PLA2G5: variants seen among roughly 807,000 people sequenced by gnomAD.
The protein encoded by PLA2G5 is Ca2+-dependent phospholipase A2.
PLA2G5 carries 12 observed loss-of-function variants against 15.9 expected under a neutral mutation model. That is an observed-to-expected ratio of 0.76 (90% CI 0.48 to 1.23). The LOEUF is 1.23. Among genes scored for constraint, PLA2G5 ranks in the 50% most tolerant of loss-of-function variants. PLA2G5 has a pLI of 0.00. For missense variants in PLA2G5, 169 were observed against 177.1 expected (o/e 0.95, Z 0.26); for synonymous variants, 71 against 71.4 (o/e 0.99, Z 0.03).
rs1211478309 is a variant in PLA2G5 at position 20,090,838 on chromosome 1, C to T, written c.*146C>T. On this transcript the variant is annotated 3_prime_UTR_variant, in exon 5 of 5. Transcript: ENST00000375108. ...AGCTTGGCGGACCCCCAGGGCCACACTGTACCCTCCAGCGAGTCCCAGGAG... is the reference window on the plus strand; with the variant it reads ...AGCTTGGCGGACCCCCAGGGCCACATTGTACCCTCCAGCGAGTCCCAGGAG... The T allele has an allele frequency of 7.7e-6, 6 of 781,172 alleles. No homozygotes were observed. Among genetic ancestry groups the T allele is most frequent in the Non-Finnish European group, 1.3e-5 (6 of 473,380 alleles). The allele number at this position is 781,172 out of a possible 1,614,324, so 48.4% of individuals were successfully genotyped here. A position where few individuals can be genotyped will look rare whatever the true frequency, so the allele number is the denominator to read the frequency against.
upstream of PLA2G5, among the ~76,000 whole-genome samples, chr1:20,067,893 C>T (rs375269704): frequency 7.5e-3 from 1,136 of 152,178 alleles, 19 homozygotes; most frequent in African/African-American, 0.026. Flanking sequence ...CTGAGGCAGG[C>T]GGATCTCCTG....
At chr1:20,086,494 G>A (rs111340295) in intron 3 of PLA2G5, among the ~76,000 whole-genome samples, 1 of 152,202 alleles carries the variant, frequency 6.6e-6, no homozygotes, top group African/African-American at 2.4e-5. Context: ...CATTTGGGTA[G>A]GGCTTGTGGG....
chr1:20,075,296 C>T (rs1483757192), intron 1 of PLA2G5, among the ~76,000 whole-genome samples: 2 of 152,158 alleles, frequency 1.3e-5, no homozygotes, highest in African/African-American at 4.8e-5. Context: ...GTGACCTACC[C>T]AGCTCCATCT....
chr1:20,039,424 A>T (rs1334236622), intron 1 of PLA2G5, among the ~76,000 whole-genome samples: 1 of 152,220 alleles, frequency 6.6e-6, no homozygotes. Flanking sequence ...AGAGGACAAA[A>T]CAAGGATTAA....
chr1:20,075,798 C>T lies in PLA2G5; in HGVS notation c.-11+5333C>T, dbSNP rs1370840149. ...TGGCCAGTTGTTGCCTGTAGGAGTCCAGACCCAGGATTCCTAGATCTTTTA... is the reference window on the plus strand; with the variant it reads ...TGGCCAGTTGTTGCCTGTAGGAGTCTAGACCCAGGATTCCTAGATCTTTTA... On this transcript the variant is annotated intron_variant, in intron 1 of 4. Transcript: ENST00000375108. Among the ~76,000 whole-genome samples, 5 of 152,048 alleles carry T rather than the reference C, an allele frequency of 3.3e-5. No homozygotes were observed. In the East Asian group the frequency reaches 5.8e-4, roughly 18 times the overall value.
intron 3 of PLA2G5, among the ~76,000 whole-genome samples, chr1:20,086,611 C>T (rs753016371): frequency 8.5e-5 from 13 of 152,290 alleles, no homozygotes; most frequent in South Asian, 2.1e-4. Context: ...GGCCTAGGAG[C>T]GGGTCAGAGG....
chr1:20,037,170 CA>C (rs2100306709), intron 1 of PLA2G5, among the ~76,000 whole-genome samples: 1 of 152,288 alleles, frequency 6.6e-6, no homozygotes, highest in East Asian at 1.9e-4. Flanking sequence ...CGTTCCTTCT[CA>C]TTTGGGGTAG....
intron 1 of PLA2G5, chr1:20,046,186 C>T (rs1465022429): frequency 6.6e-6 from 1 of 152,154 alleles, no homozygotes; most frequent in Non-Finnish European, 1.5e-5. Flanking sequence ...AGTCTAACAA[C>T]CAGCTTGTCT....
At chr1:20,046,408 T>C (rs925361752) in intron 1 of PLA2G5, among the ~76,000 whole-genome samples, 1 of 152,280 alleles carries the variant, frequency 6.6e-6, no homozygotes, top group East Asian at 1.9e-4. Context: ...CAAACAAAAA[T>C]CCCCAAAACC....
chr1:20,080,386 A>T (rs2015940809), intron 1 of PLA2G5, among the ~76,000 whole-genome samples: 1 of 152,146 alleles, frequency 6.6e-6, no homozygotes, highest in South Asian at 2.1e-4. Flanking sequence ...GTTCGAGACC[A>T]GCCTGACCAA....
intron 2 of PLA2G5, among the ~76,000 whole-genome samples, chr1:20,060,546 C>A (rs887075665): frequency 1.3e-5 from 2 of 151,902 alleles, no homozygotes; most frequent in Admixed American, 1.3e-4. Flanking sequence ...AGCCACCATG[C>A]CCAGCCAGTT....
Position 20,090,567 on chromosome 1 carries a change from G to A in PLA2G5, c.293-1G>A. On this transcript the variant is annotated splice_acceptor_variant, in intron 4 of 4. Coordinates refer to ENST00000375108, the MANE Select transcript of PLA2G5 (RefSeq NM_000929.3). LOFTEE classifies it high-confidence loss of function. ...ATTCTGCTCTTGGTGTCCTTTTGCA[G>A]AGCCCGGGCCCTTCTGCCATGTGAA... 6.2e-7 allele frequency: 1 copy of A among 1,614,066 alleles called. No individual in the cohort carries two copies. Among genetic ancestry groups the A allele is most frequent in the South Asian group, 1.1e-5 (1 of 91,078 alleles).
intron 1 of PLA2G5, among the ~76,000 whole-genome samples, chr1:20,042,649 T>A (rs1029136836): frequency 6.6e-6 from 1 of 152,112 alleles, no homozygotes; most frequent in South Asian, 2.1e-4. Context: ...ACTTTGTGAG[T>A]TTATGTAATG....
intron 3 of PLA2G5, among the ~76,000 whole-genome samples, chr1:20,088,129 A>G (rs936769434): frequency 6.6e-6 from 1 of 150,444 alleles, no homozygotes; most frequent in East Asian, 1.9e-4. Context: ...AGGCCAAGAC[A>G]GGTGGATGAC....
At chr1:20,083,897 C>T (rs780163747) in intron 1 of PLA2G5, among the ~76,000 whole-genome samples, 1 of 151,674 alleles carries the variant, frequency 6.6e-6, no homozygotes. Flanking sequence ...CTCTCGTGAG[C>T]CCCCAGGGTT....
chr1:20,048,295 T>C (rs2014017805), intron 1 of PLA2G5, among the ~76,000 whole-genome samples: 1 of 152,164 alleles, frequency 6.6e-6, no homozygotes. Flanking sequence ...ATTAGAAATG[T>C]CTTAAGAATT....
chr1:20,078,982 C>T (rs2100581670), intron 1 of PLA2G5, among the ~76,000 whole-genome samples: 1 of 151,800 alleles, frequency 6.6e-6, no homozygotes, highest in Admixed American at 6.6e-5. Context: ...ATGGTGGTGC[C>T]CACTGTAGTC....
chr1:20,033,713 T>C (rs909494604), intron 1 of PLA2G5, among the ~76,000 whole-genome samples: 1 of 152,126 alleles, frequency 6.6e-6, no homozygotes, highest in Non-Finnish European at 1.5e-5. Context: ...AGAATGTACA[T>C]ACAGAGTAAA....
At chr1:20,041,000 A>C (rs971744519) in intron 1 of PLA2G5, among the ~76,000 whole-genome samples, 3 of 152,350 alleles carry the variant, frequency 2.0e-5, no homozygotes, top group South Asian at 4.1e-4. Context: ...ATGTATAAAA[A>C]CAAACTGTGC....
Sources: gnomAD v4.1 joint callset for allele counts (sites outside exome capture counted in the v4.1 genomes callset) on GRCh38, gnomAD v4.1.1 for gene constraint, MANE v1.5 for transcripts, NCBI Gene and HGNC (gene_info 2026-07-23, HGNC 2026-07-21) for gene names.